The following SOS1 variants were observed in gnomAD, a reference collection of about 807,000 sequenced individuals.
SOS1 encodes the protein SOS Ras/Rac guanine nucleotide exchange factor 1.
In SOS1, 25 loss-of-function variants were observed where a neutral mutation model predicts 157.6. The observed-to-expected ratio is 0.16, with a 90% CI of 0.12 to 0.22. The LOEUF is 0.22. Ranked by LOEUF, SOS1 falls within the 10% of genes least tolerant of loss-of-function variation. The probability of loss-of-function intolerance (pLI) is 1.00; values close to 1 mark genes in which losing one functional copy is unlikely to be tolerated. For synonymous variants in SOS1, 528 were observed against 534.0 expected (o/e 0.99, Z 0.16); for missense variants, 1,237 against 1,599.1 (o/e 0.77, Z 3.86).
chr2:39,122,776 C>G (rs1035363640), upstream of SOS1, among the ~76,000 whole-genome samples: 2 of 151,982 alleles, frequency 1.3e-5, no homozygotes, highest in Non-Finnish European at 2.9e-5. Flanking sequence ...GAACTCCTGA[C>G]CTCGTCATCC....
At chr2:38,998,760 G>A (rs549699403) in intron 17 of SOS1, among the ~76,000 whole-genome samples, 1 of 152,272 alleles carries the variant, frequency 6.6e-6, no homozygotes, top group East Asian at 1.9e-4. Flanking sequence ...ATATTCTTAT[G>A]CTTCTACCTT....
intron 17 of SOS1, among the ~76,000 whole-genome samples, chr2:39,005,887 A>C (rs1009310179): frequency 6.6e-6 from 1 of 152,084 alleles, no homozygotes; most frequent in South Asian, 2.1e-4. Flanking sequence ...GAACGGAAAA[A>C]GATAGAGGAA....
In SOS1 at chr2:39,050,069, T is replaced by G. The variant is rs183221691; in HGVS notation, c.864+1075A>C. ...ATATTCCACATTTTTCTTTTTATACTTTATTACTTATGTGTGTTTGGAGCA... is the reference window on the plus strand; with the variant it reads ...ATATTCCACATTTTTCTTTTTATACGTTATTACTTATGTGTGTTTGGAGCA... On this transcript the variant is annotated intron_variant, in intron 6 of 22. Transcript: ENST00000402219. 6.1e-4 allele frequency among the ~76,000 whole-genome samples: 93 copies of G among 152,344 alleles called. 1 individual carries two copies. The highest frequency in any genetic ancestry group is 1.2e-3 in the Admixed American group (19 of 15,302).
At chr2:38,986,843 A>C (rs1482304476) in intron 22 of SOS1, among the ~76,000 whole-genome samples, 1 of 152,176 alleles carries the variant, frequency 6.6e-6, no homozygotes, top group African/African-American at 2.4e-5. Context: ...CCTATTTTAT[A>C]ATTTTAAGTT....
At chr2:39,102,204 CAAAAAAAAAA>C (rs58865034) in intron 1 of SOS1, among the ~76,000 whole-genome samples, 506 of 23,754 alleles carry the variant, frequency 0.021, 26 homozygotes, top group African/African-American at 0.068. Context: ...GACTCTGTCT[CAAAAAAAAAA>C]AAAAAAAAAA....
intron 2 of SOS1, among the ~76,000 whole-genome samples, chr2:39,060,925 C>T (rs1337366570): frequency 6.8e-6 from 1 of 146,678 alleles, no homozygotes; most frequent in Non-Finnish European, 1.5e-5. Flanking sequence ...AATAGAGTTA[C>T]ATGTCTTTGA....
intron 6 of SOS1, among the ~76,000 whole-genome samples, chr2:39,036,232 G>A (rs1432835818): frequency 6.6e-6 from 1 of 152,160 alleles, no homozygotes; most frequent in Non-Finnish European, 1.5e-5. Context: ...TCCATAAAGG[G>A]TAATTCTAGC....
At position 39,067,620 on chromosome 2, in the gene SOS1, T is replaced by A; in HGVS notation, c.213+8A>T. ...TATAAAGTAAATACAAGACAACATT[T>A]GTCATACCTCTACATCTGAAGCACT... On this transcript the variant is annotated splice_region_variant and intron_variant, in intron 2 of 22. Coordinates refer to ENST00000402219, the MANE Select transcript of SOS1 (RefSeq NM_005633.4). 6.2e-7 allele frequency: 1 copy of A among 1,612,488 alleles called. No homozygotes were observed. The highest frequency in any genetic ancestry group is 8.5e-7 in the Non-Finnish European group (1 of 1,178,620).
In SOS1 at chr2:38,982,775, TA is replaced by T. The variant is rs1444837180; in HGVS notation, c.*3048del. On this transcript the variant is annotated 3_prime_UTR_variant, in exon 23 of 23. Transcript: ENST00000402219. ...ACAAGATTAAGCTAAACTTGAGAAT[TA>T]AGATCATGACCATAAATACCAACTA... 1 of 152,172 alleles carries T rather than the reference TA, an allele frequency of 6.6e-6. No homozygotes were observed. The highest frequency in any genetic ancestry group is 1.5e-5 in the Non-Finnish European group (1 of 68,020). The allele number at this position is 152,172 out of a possible 1,614,324, so 9.4% of individuals were successfully genotyped here.
intron 2 of SOS1, among the ~76,000 whole-genome samples, chr2:39,065,064 T>A (rs949113757): frequency 1.3e-5 from 2 of 152,078 alleles, no homozygotes; most frequent in Non-Finnish European, 2.9e-5. Flanking sequence ...AGTCTCTATA[T>A]ACATTTTTCT....
rs973974442 is a variant in SOS1, at chr2:39,075,055, C to T, written c.88-7302G>A. On this transcript the variant is annotated intron_variant, in intron 1 of 22. Transcript: ENST00000402219. ...TAATTGTAAGGTTTTAAGTGAGACA[C>T]GGACATCATTGGACTGTTTGCTGAA... Among the ~76,000 whole-genome samples, 6 of 152,004 alleles carry T rather than the reference C, an allele frequency of 3.9e-5. No individual in the cohort carries two copies. The East Asian group carries it at 7.7e-4, about 20-fold the overall frequency.
At chr2:38,991,717 GCTT>G (rs1468624607) in intron 20 of SOS1, among the ~76,000 whole-genome samples, 1 of 152,156 alleles carries the variant, frequency 6.6e-6, no homozygotes, top group Non-Finnish European at 1.5e-5. Context: ...CTTTCTATAA[GCTT>G]CTCCAGTATT....
chr2:39,122,222 G>C (rs1260089541), upstream of SOS1, among the ~76,000 whole-genome samples: 1 of 151,880 alleles, frequency 6.6e-6, no homozygotes, highest in African/African-American at 2.4e-5. Context: ...CTGAGGTCAG[G>C]AGTTCCAGAC....
rs943920425 is a variant in SOS1 at position 39,017,128 on chromosome 2, T to A, written c.1859-2282A>T. Among the ~76,000 whole-genome samples the A allele has an allele frequency of 3.9e-5, 6 of 152,010 alleles. No homozygotes were observed. In the Admixed American group the frequency reaches 3.9e-4, roughly 10 times the overall value. ...GTGAGGTGAGCAGGGCTGGAAGAGA[T>A]GTAACTAGACTTATCTAAGGTCATA... On this transcript the variant is annotated intron_variant, in intron 10 of 22. Coordinates refer to ENST00000402219, the MANE Select transcript of SOS1 (RefSeq NM_005633.4).
intron 1 of SOS1, among the ~76,000 whole-genome samples, chr2:39,115,923 G>A (rs568252947): frequency 6.6e-6 from 1 of 151,702 alleles, no homozygotes; most frequent in Non-Finnish European, 1.5e-5. Context: ...ACATCTAGAA[G>A]TTCCAAATCT....
intron 1 of SOS1, among the ~76,000 whole-genome samples, chr2:39,086,223 G>A (rs1257571719): frequency 2.0e-5 from 3 of 152,184 alleles, no homozygotes; most frequent in Non-Finnish European, 2.9e-5. Context: ...CAGAATTTAG[G>A]TGAAAAGTAT....
At chr2:39,073,575 T>C (rs1671859863) in intron 1 of SOS1, among the ~76,000 whole-genome samples, 1 of 152,268 alleles carries the variant, frequency 6.6e-6, no homozygotes, top group Non-Finnish European at 1.5e-5. Flanking sequence ...CCTTAAGGAC[T>C]ACTTGATTCT....
intron 6 of SOS1, among the ~76,000 whole-genome samples, chr2:39,045,343 T>C (rs978540135): frequency 6.6e-6 from 1 of 151,854 alleles, no homozygotes; most frequent in African/African-American, 2.4e-5. Context: ...TGGCCTAATC[T>C]TTTTTGTTTG....
chr2:39,006,353 TG>T (rs1669282243), intron 17 of SOS1, 58 bp downstream of exon 17: 6 of 850,632 alleles, frequency 7.1e-6, no homozygotes, highest in African/African-American at 6.6e-5. Context: ...AGTCATTTAA[TG>T]AAATGAGTGT....
Sources: allele counts gnomAD v4.1 joint callset (sites outside exome capture counted in the v4.1 genomes callset), GRCh38; gene constraint gnomAD v4.1.1; transcripts MANE v1.5; gene names NCBI Gene and HGNC (gene_info 2026-07-23, HGNC 2026-07-21).